Variants in PKP4 observed in about 807,000 individuals in gnomAD.
The protein encoded by PKP4 is plakophilin-4.
Under a neutral mutation model 145.1 loss-of-function variants are expected in PKP4, and 90 were observed. The observed-to-expected ratio is 0.62, with a 90% CI of 0.52 to 0.74. The LOEUF is 0.74. PKP4 is among the 30% of genes least tolerant of loss of function. PKP4 has a pLI of 0.00. For missense variants in PKP4, 1,340 were observed against 1,482.7 expected (o/e 0.90, Z 1.58); for synonymous variants, 563 against 577.2 (o/e 0.98, Z 0.35).
rs1397175543 is a variant in PKP4 at position 158,528,685 on chromosome 2, A to AAG, written c.-5-4491_-5-4490dup. 4.4e-4 allele frequency among the ~76,000 whole-genome samples: 65 copies of AAG among 148,232 alleles called. 1 individual carries two copies. In the East Asian group the frequency reaches 5.9e-3, roughly 13 times the overall value. On this transcript the variant is annotated intron_variant, in intron 1 of 21. Coordinates refer to ENST00000389759, the MANE Select transcript of PKP4 (RefSeq NM_003628.6). ...TTACTAAATGAAAAAAAAAAAAAAA[A>AAG]AGAGACCTGGGCAAAGAAAACATTC...
intron 1 of PKP4, among the ~76,000 whole-genome samples, chr2:158,503,903 A>G (rs181071858): frequency 1.3e-5 from 2 of 148,898 alleles, no homozygotes; most frequent in Admixed American, 1.3e-4. Flanking sequence ...GGTCTGGAGC[A>G]TTGCTGATGG....
chr2:158,558,853 G>C (rs1237057338), intron 2 of PKP4, among the ~76,000 whole-genome samples: 2 of 152,112 alleles, frequency 1.3e-5, no homozygotes, highest in African/African-American at 4.8e-5. Context: ...TAGTTTAGGA[G>C]GTCCCCAAGC....
At chr2:158,597,097 A>G (rs1045874771) in intron 3 of PKP4, among the ~76,000 whole-genome samples, 1 of 152,224 alleles carries the variant, frequency 6.6e-6, no homozygotes, top group Non-Finnish European at 1.5e-5. Flanking sequence ...TGACATTGAC[A>G]TCAGAGTCCT....
chr2:158,490,072 A>G (rs1249826014), intron 1 of PKP4, among the ~76,000 whole-genome samples: 1 of 152,210 alleles, frequency 6.6e-6, no homozygotes, highest in East Asian at 1.9e-4. Flanking sequence ...CATTAATGAT[A>G]CTATATAAAA....
At chr2:158,553,056 A>G (rs2045770282) in intron 2 of PKP4, among the ~76,000 whole-genome samples, 1 of 152,212 alleles carries the variant, frequency 6.6e-6, no homozygotes, top group Non-Finnish European at 1.5e-5. Context: ...GAAAGCATGT[A>G]AATGATGGAC....
At chr2:158,641,488 T>G (rs2054279637) in intron 10 of PKP4, among the ~76,000 whole-genome samples, 1 of 151,424 alleles carries the variant, frequency 6.6e-6, no homozygotes, top group African/African-American at 2.5e-5. Flanking sequence ...ATATTTTATT[T>G]CAGGGTTTTT....
intron 3 of PKP4, among the ~76,000 whole-genome samples, chr2:158,590,821 C>T (rs2049207763): frequency 6.6e-6 from 1 of 152,032 alleles, no homozygotes; most frequent in African/African-American, 2.4e-5. Context: ...AAATCATCAG[C>T]TGGAAAGGTA....
chr2:158,617,992 G>A (rs1297238788), intron 4 of PKP4, among the ~76,000 whole-genome samples: 1 of 152,158 alleles, frequency 6.6e-6, no homozygotes, highest in Admixed American at 6.5e-5. Flanking sequence ...AGGCCAGCCT[G>A]GCCAACGTGG....
chr2:158,507,960 T>C (rs2356186), intron 1 of PKP4, among the ~76,000 whole-genome samples: 103,004 of 151,928 alleles, frequency 0.68, 35,201 homozygotes, highest in South Asian at 0.83. Context: ...TTACCTCTGC[T>C]CTGCCACAGG....
At chr2:158,581,092 T>A (rs913882765) in intron 3 of PKP4, among the ~76,000 whole-genome samples, 2 of 152,234 alleles carry the variant, frequency 1.3e-5, no homozygotes, top group African/African-American at 4.8e-5. Flanking sequence ...TTTTTTATTG[T>A]GTCACTTGAG....
intron 13 of PKP4, chr2:158,662,501 A>T (rs982029927): frequency 6.3e-6 from 1 of 158,120 alleles, no homozygotes; most frequent in African/African-American, 2.4e-5. Context: ...GGAGGCAGAC[A>T]TGGGACTTGG....
intron 1 of PKP4, among the ~76,000 whole-genome samples, chr2:158,514,597 T>G (rs1456824557): frequency 6.6e-6 from 1 of 152,240 alleles, no homozygotes; most frequent in African/African-American, 2.4e-5. Flanking sequence ...AAAAATATCT[T>G]TTAAAATCAA....
intron 2 of PKP4, among the ~76,000 whole-genome samples, chr2:158,552,762 A>G (rs974711640): frequency 3.9e-5 from 6 of 152,236 alleles, no homozygotes; most frequent in Non-Finnish European, 1.5e-5. Context: ...TTTACACTAT[A>G]CTGTAGTCTA....
chr2:158,544,108 C>T (rs540571843), intron 2 of PKP4, among the ~76,000 whole-genome samples: 1 of 152,316 alleles, frequency 6.6e-6, no homozygotes, highest in East Asian at 1.9e-4. Flanking sequence ...ACTCACAGAG[C>T]TTGTGCTCTT....
At chr2:158,520,257 T>A (rs1312331598) in intron 1 of PKP4, among the ~76,000 whole-genome samples, 1 of 152,168 alleles carries the variant, frequency 6.6e-6, no homozygotes, top group Non-Finnish European at 1.5e-5. Flanking sequence ...GACTCTGGTG[T>A]TATATGTTAA....
In PKP4 at chr2:158,579,766, A is replaced by G. The variant is rs991764743; in HGVS notation, c.245+2383A>G. Among the ~76,000 whole-genome samples, 4 of 152,292 alleles carry G rather than the reference A, an allele frequency of 2.6e-5. No individual in the cohort carries two copies. The South Asian group carries it at 8.3e-4, about 32-fold the overall frequency. On this transcript the variant is annotated intron_variant, in intron 3 of 21. Transcript: ENST00000389759. The stretch of plus-strand genomic sequence containing the variant: ...TAGATCTACATGTATCAACATGGAC[A>G]TGTTTGCAAAACAGACTTGAAAAGC...
At chr2:158,460,373 G>A (rs1480892027) in intron 1 of PKP4, among the ~76,000 whole-genome samples, 5 of 152,160 alleles carry the variant, frequency 3.3e-5, no homozygotes, top group Admixed American at 1.3e-4. Context: ...TAGAATCGCA[G>A]TTTTCTTCCT....
At chr2:158,626,155 T>C (rs2052766548) in intron 7 of PKP4, among the ~76,000 whole-genome samples, 1 of 152,222 alleles carries the variant, frequency 6.6e-6, no homozygotes. Flanking sequence ...TGGGAAAATA[T>C]TGAAATAAGT....
chr2:158,542,141 A>T (rs1345041837), intron 2 of PKP4, among the ~76,000 whole-genome samples: 1 of 152,164 alleles, frequency 6.6e-6, no homozygotes, highest in South Asian at 2.1e-4. Context: ...TAGCTGCCTT[A>T]TACACCCCAT....
Sources: gnomAD v4.1 joint callset for allele counts (sites outside exome capture counted in the v4.1 genomes callset) on GRCh38, gnomAD v4.1.1 for gene constraint, MANE v1.5 for transcripts, NCBI Gene and HGNC (gene_info 2026-07-23, HGNC 2026-07-21) for gene names.